POF1B: variants seen among roughly 807,000 people sequenced by gnomAD.
POF1B encodes POF1B actin binding protein, also known as protein POF1B.
A neutral mutation model predicts 55.3 loss-of-function variants in POF1B; 53 were observed. The ratio of observed to expected loss-of-function variants is 0.96; its 90% confidence interval spans 0.77 to 1.20. POF1B has a LOEUF of 1.20. Ranked by LOEUF, POF1B falls within the 50% of genes most tolerant of loss-of-function variation. The pLI, the probability that POF1B is intolerant of heterozygous loss-of-function variation, is 0.00. For missense variants in POF1B, 478 were observed against 420.5 expected (o/e 1.14, Z -1.20); for synonymous variants, 188 against 148.3 (o/e 1.27, Z -1.95).
chrX:85,346,978 A>T (rs1933285824), intron 5 of POF1B, among the ~76,000 whole-genome samples: 1 of 111,211 alleles, frequency 9.0e-6, no homozygotes, highest in Non-Finnish European at 1.9e-5. Context: ...ATTAGGCTGA[A>T]TTTGCACTGA....
chrX:85,354,266 T>A (rs1040548697), intron 4 of POF1B, among the ~76,000 whole-genome samples: 1 of 111,020 alleles, frequency 9.0e-6, no homozygotes, highest in African/African-American at 3.3e-5. Flanking sequence ...TTTTAAATAA[T>A]ATTGATAATT....
intron 5 of POF1B, among the ~76,000 whole-genome samples, chrX:85,347,186 C>T (rs1240973432): frequency 9.0e-6 from 1 of 110,983 alleles, no homozygotes; most frequent in Admixed American, 9.6e-5. Context: ...CATCTGGAAG[C>T]CTGTTTTCAA....
At chrX:85,366,213 G>A (rs966302289) in intron 3 of POF1B, among the ~76,000 whole-genome samples, 1 of 111,561 alleles carries the variant, frequency 9.0e-6, no homozygotes. Flanking sequence ...CTCTTATGGA[G>A]AGGGGGAAGA....
intron 15 of POF1B, among the ~76,000 whole-genome samples, chrX:85,293,588 G>A (rs978105082): frequency 8.9e-6 from 1 of 111,998 alleles, no homozygotes; most frequent in Non-Finnish European, 1.9e-5. Context: ...GTACATGGGT[G>A]ACAAAATAAT....
At chrX:85,336,404 A>T (rs1388026203) in intron 6 of POF1B, among the ~76,000 whole-genome samples, 2 of 110,959 alleles carry the variant, frequency 1.8e-5, no homozygotes, top group Non-Finnish European at 3.8e-5. Flanking sequence ...TAGTAGTTGC[A>T]CTAATTTACA....
intron 5 of POF1B, among the ~76,000 whole-genome samples, chrX:85,350,308 T>G (rs1445167249): frequency 9.1e-6 from 1 of 109,884 alleles, no homozygotes; most frequent in African/African-American, 3.3e-5. Context: ...CTTGCGATAG[T>G]TTACTGAGAA....
intron 3 of POF1B, among the ~76,000 whole-genome samples, chrX:85,360,909 A>G (rs1933605110): frequency 9.0e-6 from 1 of 110,595 alleles, no homozygotes; most frequent in Non-Finnish European, 1.9e-5. Context: ...GCTTGTTAAT[A>G]ATAGTCATTC....
At chrX:85,290,042 G>A (rs1932145614) in intron 15 of POF1B, among the ~76,000 whole-genome samples, 1 of 111,328 alleles carries the variant, frequency 9.0e-6, no homozygotes, top group African/African-American at 3.3e-5. Context: ...TGAGGTTTGT[G>A]GTATGAATGA....
intron 7 of POF1B, among the ~76,000 whole-genome samples, chrX:85,317,963 A>G (rs1370106767): frequency 1.2e-4 from 13 of 111,562 alleles, no homozygotes; most frequent in Non-Finnish European, 2.5e-4. Flanking sequence ...GCAAACTAAC[A>G]CAGGAACAGA....
intron 7 of POF1B, among the ~76,000 whole-genome samples, chrX:85,328,255 A>AGTGCAGTGGCGCGATC (rs1365977846): frequency 2.5e-4 from 27 of 107,518 alleles, no homozygotes; most frequent in South Asian, 8.2e-4. Flanking sequence ...CCCAGACTGG[A>AGTGCAGTGGCGCGATC]GTGCAGTGGC....
chrX:85,280,346 A>G (rs1168807789), intron 16 of POF1B, among the ~76,000 whole-genome samples: 2 of 111,669 alleles, frequency 1.8e-5, no homozygotes, highest in African/African-American at 6.5e-5. Context: ...TGATATTTGT[A>G]TATTTGTCTA....
chrX:85,304,557 A>T lies in POF1B; in HGVS notation c.1438-86T>A, dbSNP rs768906714. The T allele has an allele frequency of 1.2e-5, 6 of 502,740 alleles. No homozygotes were observed. The South Asian group carries it at 5.5e-4, about 46-fold the overall frequency. The allele number at this position is 502,740 out of a possible 1,213,427, so 41.4% of individuals were successfully genotyped here. A position where few individuals can be genotyped will look rare whatever the true frequency, so the allele number is the denominator to read the frequency against. On this transcript the variant is annotated intron_variant, in intron 13 of 16. Transcript: ENST00000262753. The stretch of plus-strand genomic sequence containing the variant: ...GTTCCAGGGAGGTTAAGTGACACAA[A>T]CTCACACAGTTATGAAATGAAAGTA...
Position 85,363,441 on chromosome X carries a change from T to C in POF1B, c.358-3811A>G, listed in dbSNP as rs766015863. On this transcript the variant is annotated intron_variant, in intron 3 of 16. Coordinates refer to ENST00000262753, the MANE Select transcript of POF1B (RefSeq NM_024921.4). ...GCTGCATCCCAGAGATTCTGGTATGTTGTATCTTTGTTCTCATTAGTTTCA... is the reference window on the plus strand; with the variant it reads ...GCTGCATCCCAGAGATTCTGGTATGCTGTATCTTTGTTCTCATTAGTTTCA... Among the ~76,000 whole-genome samples the C allele has an allele frequency of 1.4e-4, 16 of 111,876 alleles. No homozygotes were observed. In the East Asian group the frequency reaches 4.2e-3, roughly 30 times the overall value.
intron 15 of POF1B, among the ~76,000 whole-genome samples, chrX:85,282,828 T>G (rs937270564): frequency 1.3e-4 from 14 of 110,571 alleles, no homozygotes; most frequent in Non-Finnish European, 2.3e-4. Flanking sequence ...AGCCTTTGGG[T>G]GAAAACTGAT....
intron 3 of POF1B, among the ~76,000 whole-genome samples, chrX:85,365,154 T>C (rs957620205): frequency 8.9e-6 from 1 of 112,078 alleles, no homozygotes; most frequent in African/African-American, 3.2e-5. Context: ...GGTTTTTGTA[T>C]CATTTTATTG....
chrX:85,371,867 A>G (rs1933827897), intron 2 of POF1B, among the ~76,000 whole-genome samples: 1 of 111,552 alleles, frequency 9.0e-6, no homozygotes, highest in African/African-American at 3.3e-5. Context: ...AGCCTCTAAA[A>G]CTCAATAAAC....
At chrX:85,357,583 A>G (rs1258703264) in intron 4 of POF1B, among the ~76,000 whole-genome samples, 4 of 110,780 alleles carry the variant, frequency 3.6e-5, no homozygotes, top group African/African-American at 1.3e-4. Flanking sequence ...CTCAAACCTC[A>G]TCTTCTTATG....
chrX:85,379,240 C>G lies in POF1B; in HGVS notation c.215G>C (p.Arg72Pro). The change falls in exon 2 of 17, where the codon CGG (arginine) becomes CCG (proline). Residue 72 changes from arginine (R) to proline (P), a missense_variant. Physicochemically the swap from Arg to Pro is moderately radical, Grantham distance 103. Coordinates refer to ENST00000262753, the MANE Select transcript of POF1B (RefSeq NM_024921.4). Reference protein sequence around the residue: ...VVQALDPFNSREVLSPLKTTS... With the variant: ...VVQALDPFNSPEVLSPLKTTS... ...GGTTTTGAGAGGGGAGAGCACTTCC[C>G]GTGAGTTGAAGGGGTCCAAGGCCTG... 1.7e-6 allele frequency: 2 copies of G among 1,210,643 alleles called. No individual in the cohort carries two copies. Among genetic ancestry groups the G allele is most frequent in the Non-Finnish European group, 1.1e-6 (1 of 895,127 alleles).
intron 15 of POF1B, among the ~76,000 whole-genome samples, chrX:85,283,614 A>G (rs1168167849): frequency 9.0e-6 from 1 of 110,856 alleles, no homozygotes; most frequent in Non-Finnish European, 1.9e-5. Flanking sequence ...GTCCTGCAGG[A>G]TTGGTGGTGG....
Sources: allele counts gnomAD v4.1 joint callset (sites outside exome capture counted in the v4.1 genomes callset), GRCh38; gene constraint gnomAD v4.1.1; transcripts MANE v1.5; gene names NCBI Gene and HGNC (gene_info 2026-07-23, HGNC 2026-07-21).